The following GALNTL6 variants were observed in gnomAD, a reference collection of about 807,000 sequenced individuals.
GALNTL6 encodes polypeptide N-acetylgalactosaminyltransferase like 6, also known as polypeptide N-acetylgalactosaminyltransferase-like 6.
Under a neutral mutation model 73.7 loss-of-function variants are expected in GALNTL6, and 46 were observed. The ratio of observed to expected loss-of-function variants is 0.62; its 90% confidence interval spans 0.49 to 0.80. The LOEUF is 0.80. Ranked by LOEUF, GALNTL6 falls within the 30% of genes least tolerant of loss-of-function variation. GALNTL6 has a pLI of 0.00. For synonymous variants in GALNTL6, 259 were observed against 263.7 expected, an observed-to-expected ratio of 0.98 and a Z score of 0.17; for missense variants, 604 against 755.0, an observed-to-expected ratio of 0.80 and a Z score of 2.34.
intron 2 of GALNTL6, among the ~76,000 whole-genome samples, chr4:171,991,643 T>G (rs1242351029): frequency 1.3e-5 from 2 of 151,036 alleles, no homozygotes; most frequent in African/African-American, 4.8e-5. Context: ...AATTAGTATG[T>G]GAGAGGATTG....
At chr4:172,982,991 G>T (rs893895423) in intron 10 of GALNTL6, among the ~76,000 whole-genome samples, 1 of 152,140 alleles carries the variant, frequency 6.6e-6, no homozygotes, top group African/African-American at 2.4e-5. Flanking sequence ...AGGGTGAATG[G>T]GTGGGAGGGA....
intron 5 of GALNTL6, among the ~76,000 whole-genome samples, chr4:172,745,817 T>G (rs142693552): frequency 4.2e-4 from 64 of 152,214 alleles, no homozygotes; most frequent in Middle Eastern, 3.4e-3. Context: ...TATTCAAATA[T>G]AAGATGAAAA....
At chr4:172,316,769 G>A (rs75681135) in intron 4 of GALNTL6, among the ~76,000 whole-genome samples, 3,875 of 152,252 alleles carry the variant, frequency 0.025, 137 homozygotes, top group African/African-American at 0.082. Context: ...TTAGATGCAG[G>A]CCAAGTATTA....
intron 5 of GALNTL6, among the ~76,000 whole-genome samples, chr4:172,702,366 C>T (rs1440289247): frequency 6.6e-6 from 1 of 152,032 alleles, no homozygotes; most frequent in Non-Finnish European, 1.5e-5. Context: ...CTCATTCCAT[C>T]TCATCCTATT....
Position 172,754,460 on chromosome 4 carries a change from T to A in GALNTL6, c.554-54901T>A, listed in dbSNP as rs6553654. Among the ~76,000 whole-genome samples, 467 of 152,102 alleles carry A rather than the reference T, an allele frequency of 3.1e-3. 1 individual carries two copies. Among genetic ancestry groups the A allele is most frequent in the Middle Eastern group, 0.014 (4 of 294 alleles). ...GATGGTGCATGCCTGTAATCCCAGC[T>A]ACTGAGGAGGCTGAGGCAGGAGAAT... On this transcript the variant is annotated intron_variant, in intron 5 of 12. Transcript: ENST00000506823.
At chr4:172,926,640 C>T (rs1748076131) in intron 8 of GALNTL6, among the ~76,000 whole-genome samples, 2 of 152,138 alleles carry the variant, frequency 1.3e-5, no homozygotes, top group African/African-American at 4.8e-5. Flanking sequence ...TTGTGAAAAA[C>T]AAAAGGCTGT....
chr4:172,158,383 T>C (rs1734348889), intron 2 of GALNTL6, among the ~76,000 whole-genome samples: 1 of 152,090 alleles, frequency 6.6e-6, no homozygotes, highest in African/African-American at 2.4e-5. Flanking sequence ...CAGTACATAA[T>C]TTTCCCCTGG....
intron 3 of GALNTL6, among the ~76,000 whole-genome samples, chr4:172,264,092 T>C (rs540155105): frequency 2.6e-5 from 4 of 151,658 alleles, no homozygotes; most frequent in Non-Finnish European, 4.4e-5. Flanking sequence ...ATGCAGGAAA[T>C]ATAAACAGGA....
intron 5 of GALNTL6, among the ~76,000 whole-genome samples, chr4:172,627,188 A>G (rs192259108): frequency 6.6e-6 from 1 of 152,108 alleles, no homozygotes; most frequent in East Asian, 1.9e-4. Flanking sequence ...AGTTTGGTGA[A>G]GGTTTTTATC....
At chr4:172,304,278 C>G (rs556181185) in intron 3 of GALNTL6, among the ~76,000 whole-genome samples, 1 of 152,138 alleles carries the variant, frequency 6.6e-6, no homozygotes, top group Admixed American at 6.5e-5. Context: ...TGTGGCGTAC[C>G]TGTTATGTGG....
intron 9 of GALNTL6, among the ~76,000 whole-genome samples, chr4:172,944,062 G>T (rs1749038948): frequency 6.6e-6 from 1 of 152,016 alleles, no homozygotes; most frequent in South Asian, 2.1e-4. Flanking sequence ...AAACAAAGAA[G>T]AAAAATTTTT....
At chr4:172,362,698 T>G (rs1036693329) in intron 5 of GALNTL6, among the ~76,000 whole-genome samples, 1 of 152,148 alleles carries the variant, frequency 6.6e-6, no homozygotes, top group Non-Finnish European at 1.5e-5. Flanking sequence ...ACACTGATAC[T>G]TCAAACTCAA....
intron 2 of GALNTL6, among the ~76,000 whole-genome samples, chr4:171,995,431 A>T (rs1740456993): frequency 6.6e-6 from 1 of 152,030 alleles, no homozygotes; most frequent in South Asian, 2.1e-4. Flanking sequence ...AAGAAAACAT[A>T]TAATAAATTA....
At chr4:171,950,507 G>A (rs960252364) in intron 2 of GALNTL6, among the ~76,000 whole-genome samples, 10 of 138,400 alleles carry the variant, frequency 7.2e-5, no homozygotes, top group African/African-American at 2.4e-4. Flanking sequence ...TTGAGATGAA[G>A]TCTTGCTCTG....
intron 4 of GALNTL6, among the ~76,000 whole-genome samples, chr4:172,333,167 A>G (rs2111185481): frequency 6.6e-6 from 1 of 152,234 alleles, no homozygotes; most frequent in African/African-American, 2.4e-5. Context: ...GCACTTTGGG[A>G]GGCCAAGATG....
At position 172,546,497 on chromosome 4, in the gene GALNTL6, A is replaced by T. The variant is rs201457538; in HGVS notation, c.553+197808A>T. 0.026 allele frequency among the ~76,000 whole-genome samples: 127 copies of T among 4,972 alleles called. 2 individuals carry two copies. The South Asian group carries it at 0.31, about 12-fold the overall frequency. The allele number at this position is 4,972 out of a possible 152,430, so 3.3% of individuals were successfully genotyped here. A position where few individuals can be genotyped will look rare whatever the true frequency, so the allele number is the denominator to read the frequency against. ...AATAATAAATAAATACACAAGTTTA[A>T]AAAAAAAAAAGACTGCTATACCTGC... On this transcript the variant is annotated intron_variant, in intron 5 of 12. Transcript: ENST00000506823.
intron 3 of GALNTL6, among the ~76,000 whole-genome samples, chr4:172,246,583 G>A (rs1212692973): frequency 6.6e-6 from 1 of 151,664 alleles, no homozygotes; most frequent in Non-Finnish European, 1.5e-5. Context: ...CTAACCAGAG[G>A]CATTCAATGC....
intron 3 of GALNTL6, among the ~76,000 whole-genome samples, chr4:172,231,495 G>T (rs527748175): frequency 4.6e-5 from 7 of 152,076 alleles, no homozygotes; most frequent in Non-Finnish European, 8.8e-5. Flanking sequence ...TAAGAACCAG[G>T]TCTTATCATG....
intron 2 of GALNTL6, among the ~76,000 whole-genome samples, chr4:172,014,660 C>G (rs77850140): frequency 6.6e-6 from 1 of 151,924 alleles, no homozygotes. Flanking sequence ...TTTGTGCTCT[C>G]TCAGACTTTT....
Sources: gnomAD v4.1 joint callset for allele counts (sites outside exome capture counted in the v4.1 genomes callset) on GRCh38, gnomAD v4.1.1 for gene constraint, MANE v1.5 for transcripts, NCBI Gene and HGNC (gene_info 2026-07-23, HGNC 2026-07-21) for gene names.